EYA2: variants seen among roughly 807,000 people sequenced by gnomAD.
The protein encoded by EYA2 is protein phosphatase EYA2.
Under a neutral mutation model 69.2 loss-of-function variants are expected in EYA2, and 31 were observed. The ratio of observed to expected loss-of-function variants is 0.45; its 90% CI spans 0.34 to 0.60. The LOEUF is 0.60. Among genes scored for constraint, EYA2 ranks in the 20% least tolerant of loss-of-function variants. The pLI is 0.02. For synonymous variants in EYA2, 257 were observed against 279.4 expected (o/e 0.92, Z 0.80); for missense variants, 622 against 701.2 (o/e 0.89, Z 1.28).
chr20:47,149,852 A>G (rs932889925), intron 10 of EYA2, among the ~76,000 whole-genome samples: 20 of 152,306 alleles, frequency 1.3e-4, no homozygotes, highest in African/African-American at 4.3e-4. Context: ...ACTTCATCTC[A>G]AAATAAGTAA....
At chr20:46,959,645 C>T (rs1033488127) in intron 1 of EYA2, among the ~76,000 whole-genome samples, 2 of 82,276 alleles carry the variant, frequency 2.4e-5, no homozygotes, top group African/African-American at 6.1e-5. Context: ...CACACATGCA[C>T]GCACACGCAC....
intron 1 of EYA2, among the ~76,000 whole-genome samples, chr20:46,945,854 T>C (rs917247373): frequency 1.3e-5 from 2 of 152,174 alleles, no homozygotes; most frequent in Non-Finnish European, 2.9e-5. Flanking sequence ...GTGGAGGTAC[T>C]GGGACAATCA....
At chr20:47,183,953 TCA>T (rs2034587380) in intron 15 of EYA2, among the ~76,000 whole-genome samples, 1 of 152,104 alleles carries the variant, frequency 6.6e-6, no homozygotes, top group Non-Finnish European at 1.5e-5. Context: ...ATTGTTAATG[TCA>T]CAGACCTTAA....
intron 1 of EYA2, among the ~76,000 whole-genome samples, chr20:46,928,258 A>G (rs1568670631): frequency 6.6e-6 from 1 of 152,164 alleles, no homozygotes; most frequent in Non-Finnish European, 1.5e-5. Context: ...TAAATGGAAA[A>G]ATGGGAACCT....
intron 9 of EYA2, among the ~76,000 whole-genome samples, chr20:47,120,388 T>C (rs1224983618): frequency 3.9e-5 from 6 of 152,086 alleles, no homozygotes; most frequent in Non-Finnish European, 7.4e-5. Context: ...AAAAAAGGGT[T>C]TATTTTCAGT....
chr20:46,904,586 G>A (rs1428455840), intron 1 of EYA2, among the ~76,000 whole-genome samples: 2 of 152,012 alleles, frequency 1.3e-5, no homozygotes, highest in Non-Finnish European at 2.9e-5. Context: ...TAAAATAAAA[G>A]GGAAGTAATG....
intron 2 of EYA2, among the ~76,000 whole-genome samples, chr20:46,994,862 G>A (rs141237254): frequency 0.01 from 1,564 of 151,500 alleles, 27 homozygotes; most frequent in African/African-American, 0.035. Flanking sequence ...ACTTTCTGGC[G>A]TATATTCAGA....
chr20:46,909,177 T>C (rs1351229107), intron 1 of EYA2, among the ~76,000 whole-genome samples: 1 of 152,134 alleles, frequency 6.6e-6, no homozygotes, highest in Non-Finnish European at 1.5e-5. Context: ...TGGTGAAATG[T>C]TTGCAGGTCT....
rs1053152586 is a variant in EYA2 at position 47,132,593 on chromosome 20, C to T, written c.889-10466C>T. On this transcript the variant is annotated intron_variant, in intron 9 of 15. Coordinates refer to ENST00000327619, the MANE Select transcript of EYA2 (RefSeq NM_005244.5). The stretch of plus-strand genomic sequence containing the variant: ...GAACATCTCCTTCAAGGTGATGTAC[C>T]TGGGGAATGGCAGTCCCAGGATTTG... Among the ~76,000 whole-genome samples the T allele has an allele frequency of 1.2e-4, 18 of 152,286 alleles. 1 individual carries two copies. The highest frequency in any genetic ancestry group is 1.2e-3 in the East Asian group (6 of 5,180).
At chr20:46,912,739 G>A (rs1229679892) in intron 1 of EYA2, among the ~76,000 whole-genome samples, 1 of 149,344 alleles carries the variant, frequency 6.7e-6, no homozygotes, top group Non-Finnish European at 1.5e-5. Flanking sequence ...TGTCGCCCAG[G>A]CCGGACTGCG....
At chr20:47,061,093 A>G (rs906150471) in intron 5 of EYA2, among the ~76,000 whole-genome samples, 42 of 151,992 alleles carry the variant, frequency 2.8e-4, no homozygotes, top group African/African-American at 9.9e-4. Flanking sequence ...ACCTCAAGTG[A>G]TCCACCCACC....
chr20:47,165,003 A>G (rs2034153148), intron 10 of EYA2, among the ~76,000 whole-genome samples: 1 of 152,214 alleles, frequency 6.6e-6, no homozygotes. Flanking sequence ...TGTCCAGTAG[A>G]GATTTCTGCA....
At chr20:46,949,744 A>C (rs1490526085) in intron 1 of EYA2, among the ~76,000 whole-genome samples, 1 of 152,176 alleles carries the variant, frequency 6.6e-6, no homozygotes, top group African/African-American at 2.4e-5. Flanking sequence ...TGTAGCTGTT[A>C]GGTTGGTATG....
chr20:47,089,297 G>C lies in EYA2; in HGVS notation c.720G>C (p.Arg240Ser). 6.2e-7 allele frequency: 1 copy of C among 1,614,150 alleles called. No individual in the cohort carries two copies. The change falls in exon 8 of 16, where the codon AGG becomes AGC. Residue 240 changes from arginine to serine, a missense_variant. Arg to Ser is a moderately radical substitution (Grantham distance 110). Around this residue, in one of 2 missense-constraint regions of EYA2, gnomAD observed 365 missense variants for 349.7 expected, o/e 1.04. Coordinates refer to ENST00000327619, the MANE Select transcript of EYA2 (RefSeq NM_005244.5). ...STPAKEGDTD[R>S]PHRASDGKLR... ...CAGCGAAAGAGGGAGACACAGACAG[G>C]CCGCACCGGGCCTCCGACGGGAAGC...
At chr20:46,997,084 A>G (rs1433391794) in intron 2 of EYA2, among the ~76,000 whole-genome samples, 2 of 152,128 alleles carry the variant, frequency 1.3e-5, no homozygotes, top group South Asian at 2.1e-4. Flanking sequence ...CCGCACAGGT[A>G]GAGGTTGTTC....
chr20:47,188,091 C>T lies in EYA2; in HGVS notation c.1575C>T (p.Asp525=). The stretch of plus-strand genomic sequence containing the variant: ...TCTGGCGGATATCCTGCCACGCAGA[C>T]CTGGAGGCACTGAGGCACGCCCTGG... ...MPFWRISCHA[D]LEALRHALEL... is the part of the protein sequence containing the mutation. Residue 525 remains aspartate (D), a synonymous_variant, in exon 16 of 16, where the codon GAC becomes GAT. Coordinates refer to ENST00000327619, the MANE Select transcript of EYA2 (RefSeq NM_005244.5). 1 of 1,587,144 alleles carries T rather than the reference C, an allele frequency of 6.3e-7. No individual in the cohort carries two copies. The highest frequency in any genetic ancestry group is 8.6e-7 in the Non-Finnish European group (1 of 1,166,764).
intron 5 of EYA2, among the ~76,000 whole-genome samples, chr20:47,035,088 G>A (rs1984621110): frequency 6.6e-6 from 1 of 152,182 alleles, no homozygotes; most frequent in South Asian, 2.1e-4. Context: ...GCCTTTCAAG[G>A]GACGCAACTC....
intron 3 of EYA2, among the ~76,000 whole-genome samples, chr20:47,002,568 G>A (rs560899086): frequency 1.3e-5 from 2 of 152,308 alleles, no homozygotes; most frequent in East Asian, 3.9e-4. Flanking sequence ...AGTATTCTAT[G>A]GTGTATCTGT....
At chr20:46,924,219 G>A (rs1444953406) in intron 1 of EYA2, among the ~76,000 whole-genome samples, 2 of 152,184 alleles carry the variant, frequency 1.3e-5, no homozygotes, top group Admixed American at 1.3e-4. Flanking sequence ...GGTGGTGACA[G>A]TGCACGGTAT....
Sources: allele counts gnomAD v4.1 joint callset (sites outside exome capture counted in the v4.1 genomes callset), GRCh38; gene constraint gnomAD v4.1.1; regional missense constraint gnomAD v4.1.1; transcripts MANE v1.5; gene names NCBI Gene and HGNC (gene_info 2026-07-23, HGNC 2026-07-21).